Variants in ACSL5 observed in about 807,000 individuals in gnomAD.
ACSL5 encodes acyl-CoA synthetase long chain family member 5, also known as long-chain-fatty-acid--CoA ligase 5.
Under a neutral mutation model 84.9 loss-of-function variants are expected in ACSL5, and 50 were observed. The ratio of observed to expected loss-of-function variants is 0.59; its 90% confidence interval spans 0.47 to 0.75. The LOEUF is 0.75. Ranked by LOEUF, ACSL5 falls within the 30% of genes least tolerant of loss-of-function variation. The probability of loss-of-function intolerance (pLI) is 0.00; values close to 1 mark genes in which losing one functional copy is unlikely to be tolerated. For synonymous variants in ACSL5, 280 were observed against 300.7 expected, an observed-to-expected ratio of 0.93 and a Z score of 0.71; for missense variants, 775 against 830.4, an observed-to-expected ratio of 0.93 and a Z score of 0.82.
At chr10:112,421,450 C>T (rs10885347) in intron 14 of ACSL5, 143 bp from the exon 15 acceptor site, 98,486 of 681,532 alleles carry the variant, frequency 0.14, 7,792 homozygotes, top group Middle Eastern at 0.23. Flanking sequence ...CATGAGCCAC[C>T]GCCCCCTCCA....
intron 7 of ACSL5, 67 bp downstream of exon 7, chr10:112,409,752 C>T: frequency 6.6e-7 from 1 of 1,507,834 alleles, no homozygotes; most frequent in Non-Finnish European, 9.2e-7. Flanking sequence ...TTGCAAGATA[C>T]CTTCCCAAGA....
chr10:112,416,807 A>C, intron 12 of ACSL5, 81 bp from the exon 13 acceptor site: 1 of 1,496,202 alleles, frequency 6.7e-7, no homozygotes, highest in South Asian at 1.2e-5. Context: ...ATAAAGCTAG[A>C]ACACACTGTT....
intron 10 of ACSL5, 78 bp from the exon 11 acceptor site, chr10:112,411,824 T>A (rs769584250): frequency 3.7e-5 from 50 of 1,342,056 alleles, no homozygotes; most frequent in Non-Finnish European, 5.3e-5. Flanking sequence ...TGGGAGGAGG[T>A]AGTTTTAAAA....
chr10:112,390,708 C>T (rs1849544131), intron 1 of ACSL5, among the ~76,000 whole-genome samples: 2 of 150,884 alleles, frequency 1.3e-5, no homozygotes, highest in African/African-American at 4.9e-5. Flanking sequence ...AGAGTGTAGT[C>T]TATCCATACA....
chr10:112,413,085 T>C, intron 11 of ACSL5, 88 bp from the exon 12 acceptor site: 1 of 1,472,684 alleles, frequency 6.8e-7, no homozygotes, highest in Non-Finnish European at 9.3e-7. Context: ...GTTGTTTGCC[T>C]CAGCCCACCT....
chr10:112,416,968 G>A lies in ACSL5; in HGVS notation c.1164G>A (p.Lys388=). The A allele has an allele frequency of 6.2e-7, 1 of 1,614,082 alleles. No individual in the cohort carries two copies. Among genetic ancestry groups the A allele is most frequent in the Non-Finnish European group, 8.5e-7 (1 of 1,179,998 alleles). The stretch of plus-strand genomic sequence containing the variant: ...CCAGTAAATTCAAAGAGCTTCAAAA[G>A]GGTATCATCAGGCATGATAGTTTCT... ...AVSSKFKELQ[K]GIIRHDSFWD... The change falls in exon 13 of 21, where the codon AAG becomes AAA. Residue 388 remains lysine (K), a synonymous_variant. Coordinates refer to ENST00000354655, the MANE Select transcript of ACSL5 (RefSeq NM_203379.2).
chr10:112,387,219 A>T (rs747288912), intron 1 of ACSL5, among the ~76,000 whole-genome samples: 2 of 152,220 alleles, frequency 1.3e-5, no homozygotes, highest in Non-Finnish European at 2.9e-5. Context: ...CTCATCTGTC[A>T]TATCCCTAGT....
At position 112,398,905 on chromosome 10, in the gene ACSL5, G is replaced by A; in HGVS notation, c.161G>A (p.Gly54Glu). The A allele has an allele frequency of 6.2e-7, 1 of 1,614,018 alleles. No individual in the cohort carries two copies. Among genetic ancestry groups the A allele is most frequent in the Non-Finnish European group, 8.5e-7 (1 of 1,179,930 alleles). ...LNNQSVGIEGGARKGVSQKNN... is the reference protein window; with the variant it reads ...LNNQSVGIEGEARKGVSQKNN... ...AAACTTGGTCTTGTGTCTTAGGGAGGAGCACGGAAGGGGGTTTCCCAGAAG... is the reference window on the plus strand; with the variant it reads ...AAACTTGGTCTTGTGTCTTAGGGAGAAGCACGGAAGGGGGTTTCCCAGAAG... The change falls in exon 3 of 21, where the codon GGA becomes GAA. Residue 54 changes from glycine (G) to glutamate (E), a missense_variant. Coordinates refer to ENST00000354655, the MANE Select transcript of ACSL5 (RefSeq NM_203379.2).
intron 1 of ACSL5, among the ~76,000 whole-genome samples, chr10:112,386,968 G>A (rs1849466714): frequency 6.6e-6 from 1 of 152,112 alleles, no homozygotes; most frequent in South Asian, 2.1e-4. Context: ...TATTTCCTTA[G>A]AGGGTTTTTA....
chr10:112,376,075 G>T, intron 1 of ACSL5: 1 of 499,852 alleles, frequency 2.0e-6, no homozygotes. Context: ...GTTGAGGCAA[G>T]CTGGCTTTTG....
At chr10:112,410,391 G>A in intron 7 of ACSL5, 72 bp from the exon 8 acceptor site, 10 of 1,609,350 alleles carry the variant, frequency 6.2e-6, no homozygotes, top group Non-Finnish European at 7.6e-6. Context: ...GAAAGGGAGG[G>A]AGAGGGCCAC....
At chr10:112,411,411 T>C (rs776357512) in intron 9 of ACSL5, 45 bp from the exon 10 acceptor site, 1 of 1,514,426 alleles carries the variant, frequency 6.6e-7, no homozygotes, top group South Asian at 1.1e-5. Context: ...AGGCTACCTA[T>C]TAGCTACATA....
intron 1 of ACSL5, among the ~76,000 whole-genome samples, chr10:112,389,840 C>T (rs1849522123): frequency 6.6e-6 from 1 of 152,160 alleles, no homozygotes; most frequent in Non-Finnish European, 1.5e-5. Flanking sequence ...TAGTTTCTTC[C>T]ACTTAAACAG....
intron 12 of ACSL5, among the ~76,000 whole-genome samples, chr10:112,414,990 A>G (rs922328424): frequency 4.6e-5 from 7 of 152,168 alleles, no homozygotes; most frequent in African/African-American, 1.2e-4. Context: ...CAGATGCTAA[A>G]TGGGCTCTGG....
chr10:112,394,051 GC>G (rs11312208), intron 1 of ACSL5, among the ~76,000 whole-genome samples: 71,094 of 151,998 alleles, frequency 0.47, 17,200 homozygotes, highest in South Asian at 0.58. Flanking sequence ...GATGGCTTCA[GC>G]CAAGGGTATG....
At chr10:112,417,449 A>C (rs1023579129) in intron 13 of ACSL5, among the ~76,000 whole-genome samples, 3 of 151,500 alleles carry the variant, frequency 2.0e-5, no homozygotes, top group Admixed American at 2.0e-4. Context: ...GTTGCAGTGA[A>C]CTGAGATAGC....
intron 1 of ACSL5, among the ~76,000 whole-genome samples, chr10:112,387,939 T>C (rs1389682254): frequency 6.9e-6 from 1 of 145,402 alleles, no homozygotes; most frequent in Non-Finnish European, 1.5e-5. Context: ...TTTGTTCCTT[T>C]TTTTTTTTTT....
chr10:112,405,740 C>T (rs1457228029), intron 5 of ACSL5, among the ~76,000 whole-genome samples: 2 of 152,118 alleles, frequency 1.3e-5, no homozygotes, highest in African/African-American at 4.8e-5. Flanking sequence ...TACTAATAGC[C>T]TTCCTTTATG....
intron 1 of ACSL5, chr10:112,376,529 C>T (rs1849243057): frequency 1.3e-6 from 2 of 1,577,452 alleles, no homozygotes; most frequent in South Asian, 1.1e-5. Context: ...CATCCTGACC[C>T]CCGACTTTCT....
Sources: allele counts gnomAD v4.1 joint callset (sites outside exome capture counted in the v4.1 genomes callset), GRCh38; gene constraint gnomAD v4.1.1; transcripts MANE v1.5; gene names NCBI Gene and HGNC (gene_info 2026-07-23, HGNC 2026-07-21).